Variants in JAKMIP2 observed in about 807,000 individuals in gnomAD.
JAKMIP2 encodes janus kinase and microtubule interacting protein 2.
A neutral mutation model predicts 115.0 loss-of-function variants in JAKMIP2; 25 were observed. The ratio of observed to expected loss-of-function variants is 0.22; its 90% confidence interval spans 0.16 to 0.30. The LOEUF (loss-of-function observed/expected upper bound fraction) is 0.30, where lower values mean the gene tolerates loss of function less well. Among genes scored for constraint, JAKMIP2 ranks in the 10% least tolerant of loss-of-function variants. JAKMIP2 has a pLI of 1.00. For missense variants in JAKMIP2, 642 were observed against 957.6 expected (o/e 0.67, Z 4.35); for synonymous variants, 334 against 343.6 (o/e 0.97, Z 0.31).
At chr5:147,687,926 G>A (rs767871758) in intron 1 of JAKMIP2, among the ~76,000 whole-genome samples, 18 of 152,194 alleles carry the variant, frequency 1.2e-4, no homozygotes, top group Non-Finnish European at 2.1e-4. Flanking sequence ...CATGCAACTT[G>A]TATGCGTAGG....
chr5:147,649,572 T>C (rs1288015541), intron 4 of JAKMIP2, among the ~76,000 whole-genome samples: 1 of 152,110 alleles, frequency 6.6e-6, no homozygotes, highest in Admixed American at 6.6e-5. Flanking sequence ...CCTGTCAGTG[T>C]CAGAACTAAA....
At position 147,620,678 on chromosome 5, in the gene JAKMIP2, G is replaced by A; in HGVS notation, c.2130C>T (p.Asp710=). ...EELDYRKQAL[D]QAYMRIQELE... is the part of the protein sequence containing the mutation. ...TTGTTGTACCTACCATATATGCTTGGTCAAGAGCTTGTTTTCTGTAGTCTA... is the reference window on the plus strand; with the variant it reads ...TTGTTGTACCTACCATATATGCTTGATCAAGAGCTTGTTTTCTGTAGTCTA... The change falls in exon 18 of 22, where the codon GAC becomes GAT. Residue 710 remains aspartate, a synonymous_variant. Coordinates refer to ENST00000616793, the MANE Select transcript of JAKMIP2 (RefSeq NM_001270941.2). 1 of 1,612,800 alleles carries A rather than the reference G, an allele frequency of 6.2e-7. No homozygotes were observed. The highest frequency in any genetic ancestry group is 8.5e-7 in the Non-Finnish European group (1 of 1,178,962).
chr5:147,659,440 G>T (rs1412913156), intron 3 of JAKMIP2, among the ~76,000 whole-genome samples: 1 of 152,124 alleles, frequency 6.6e-6, no homozygotes, highest in Non-Finnish European at 1.5e-5. Flanking sequence ...TTCTGCGTTG[G>T]TCTCGCTGGG....
chr5:147,718,301 A>C (rs1048566145), intron 1 of JAKMIP2, among the ~76,000 whole-genome samples: 10 of 149,676 alleles, frequency 6.7e-5, no homozygotes, highest in African/African-American at 2.2e-4. Flanking sequence ...TATTGGTCTA[A>C]AATTCTCTTT....
At chr5:147,646,718 A>C (rs1758150404) in intron 5 of JAKMIP2, among the ~76,000 whole-genome samples, 1 of 151,736 alleles carries the variant, frequency 6.6e-6, no homozygotes, top group South Asian at 2.1e-4. Flanking sequence ...CTAACACTAA[A>C]ACAAAAATCT....
chr5:147,693,995 T>C (rs1751988450), intron 1 of JAKMIP2, among the ~76,000 whole-genome samples: 1 of 152,200 alleles, frequency 6.6e-6, no homozygotes, highest in African/African-American at 2.4e-5. Context: ...AAGTTTACGA[T>C]GGACACTGGA....
chr5:147,646,449 CTTA>C (rs1176193871), intron 5 of JAKMIP2, among the ~76,000 whole-genome samples: 1 of 151,970 alleles, frequency 6.6e-6, no homozygotes, highest in Non-Finnish European at 1.5e-5. Flanking sequence ...TTTAAATTTA[CTTA>C]TTAATACAAT....
At chr5:147,620,770 G>A (rs778201837) in intron 17 of JAKMIP2, 27 bp from the exon 18 acceptor site, 32 of 1,525,368 alleles carry the variant, frequency 2.1e-5, no homozygotes, top group Non-Finnish European at 2.6e-5. Flanking sequence ...TATTGATAGA[G>A]TCAGCTTAGT....
chr5:147,738,083 C>T (rs1400620202), intron 1 of JAKMIP2, among the ~76,000 whole-genome samples: 10 of 152,086 alleles, frequency 6.6e-5, no homozygotes, highest in South Asian at 2.1e-4. Context: ...TACTCTTAAG[C>T]TGTATGAGCC....
chr5:147,597,172 C>G (rs969117317), intron 21 of JAKMIP2, among the ~76,000 whole-genome samples: 1 of 151,920 alleles, frequency 6.6e-6, no homozygotes, highest in East Asian at 1.9e-4. Context: ...AGTGAGCCAC[C>G]GCGCCTGGCC....
chr5:147,734,147 T>A (rs764482408), intron 1 of JAKMIP2, among the ~76,000 whole-genome samples: 1 of 151,870 alleles, frequency 6.6e-6, no homozygotes, highest in Non-Finnish European at 1.5e-5. Context: ...AATAAACATA[T>A]GAAAAAAAGC....
intron 1 of JAKMIP2, among the ~76,000 whole-genome samples, chr5:147,678,926 T>A (rs1760115977): frequency 6.6e-6 from 1 of 152,116 alleles, no homozygotes; most frequent in Non-Finnish European, 1.5e-5. Context: ...AGTAAAAATA[T>A]CCTAGAAATA....
rs1222026292 is a variant in JAKMIP2, at chr5:147,586,594, C to T, written c.*5113G>A. 1 of 151,984 alleles carries T rather than the reference C, an allele frequency of 6.6e-6. No individual in the cohort carries two copies. The highest frequency in any genetic ancestry group is 1.5e-5 in the Non-Finnish European group (1 of 68,022). 9.4% of individuals were successfully genotyped at this position (151,984 alleles called of 1,614,324 possible). A position where few individuals can be genotyped will look rare whatever the true frequency, so the allele number is the denominator to read the frequency against. ...GAAAATATAAGCATGGGTACAAAGA[C>T]CGTAATGCAGAAAAAAACAAAAACA... On this transcript the variant is annotated 3_prime_UTR_variant, in exon 22 of 22. Transcript: ENST00000616793.
At chr5:147,721,818 T>C (rs1753317207) in intron 1 of JAKMIP2, among the ~76,000 whole-genome samples, 1 of 152,110 alleles carries the variant, frequency 6.6e-6, no homozygotes, top group Non-Finnish European at 1.5e-5. Context: ...TCTGCGTCGC[T>C]CATGCTGGGA....
intron 1 of JAKMIP2, among the ~76,000 whole-genome samples, chr5:147,771,625 C>A (rs1404769883): frequency 6.6e-6 from 1 of 151,994 alleles, no homozygotes; most frequent in Non-Finnish European, 1.5e-5. Flanking sequence ...GCATTCTCAT[C>A]ACCGTATGCA....
chr5:147,594,146 A>G (rs889142836), intron 21 of JAKMIP2, among the ~76,000 whole-genome samples: 2 of 152,202 alleles, frequency 1.3e-5, no homozygotes, highest in African/African-American at 4.8e-5. Flanking sequence ...AAGTACTTGT[A>G]AAAGGAACTA....
intron 1 of JAKMIP2, among the ~76,000 whole-genome samples, chr5:147,732,444 T>G (rs1377680752): frequency 6.6e-6 from 1 of 152,234 alleles, no homozygotes; most frequent in South Asian, 2.1e-4. Flanking sequence ...CAGCGTTCTA[T>G]TCACAGCTGC....
At chr5:147,662,935 A>G (rs1374787430) in intron 2 of JAKMIP2, among the ~76,000 whole-genome samples, 1 of 151,868 alleles carries the variant, frequency 6.6e-6, no homozygotes, top group Non-Finnish European at 1.5e-5. Flanking sequence ...GCAGTGAGCC[A>G]AGATTGCACC....
chr5:147,633,054 T>A (rs1757438587), intron 12 of JAKMIP2, among the ~76,000 whole-genome samples: 1 of 152,218 alleles, frequency 6.6e-6, no homozygotes, highest in Admixed American at 6.5e-5. Context: ...CTGAGAATAC[T>A]CACTTTGCCC....
Sources: gnomAD v4.1 joint callset for allele counts (sites outside exome capture counted in the v4.1 genomes callset) on GRCh38, gnomAD v4.1.1 for gene constraint, MANE v1.5 for transcripts, NCBI Gene and HGNC (gene_info 2026-07-23, HGNC 2026-07-21) for gene names.